CXCL17: variants seen among roughly 807,000 people sequenced by gnomAD.
CXCL17 encodes C-X-C motif chemokine 17.
CXCL17 carries 9 observed loss-of-function variants against 15.5 expected under a neutral mutation model. The ratio of observed to expected loss-of-function variants is 0.58; its 90% confidence interval spans 0.35 to 1.01. The LOEUF is 1.01. Among genes scored for constraint, CXCL17 ranks in the 50% least tolerant of loss-of-function variants. The pLI is 0.02. For synonymous variants in CXCL17, 52 were observed against 52.3 expected (o/e 0.99, Z 0.02); for missense variants, 133 against 138.2 (o/e 0.96, Z 0.19).
intron 1 of CXCL17, among the ~76,000 whole-genome samples, chr19:42,441,736 G>A (rs2040894123): frequency 6.6e-6 from 1 of 152,192 alleles, no homozygotes; most frequent in Admixed American, 6.5e-5. Flanking sequence ...TGGGGAGATG[G>A]TGCTCACAAG....
At position 42,442,913 on chromosome 19, in the gene CXCL17, G is replaced by T; in HGVS notation, c.-81C>A. 9.3e-7 allele frequency: 1 copy of T among 1,080,950 alleles called. No individual in the cohort carries two copies. Among genetic ancestry groups the T allele is most frequent in the Non-Finnish European group, 1.4e-6 (1 of 719,512 alleles). The allele number at this position is 1,080,950 out of a possible 1,614,324, so 67.0% of individuals were successfully genotyped here. ...CTGGAGGCTCCTGATCCCTGGGGAT[G>T]ACTCAGGTCAGGATACTCAGCCTGG... On this transcript the variant is annotated 5_prime_UTR_variant, in exon 1 of 4. Transcript: ENST00000601181.
At chr19:42,439,359 A>C (rs575140985) in intron 1 of CXCL17, among the ~76,000 whole-genome samples, 1 of 152,166 alleles carries the variant, frequency 6.6e-6, no homozygotes, top group Admixed American at 6.5e-5. Flanking sequence ...GAAAATCACT[A>C]TTTGGCCAAC....
At chr19:42,429,407 C>T (rs1442245236) in intron 3 of CXCL17, among the ~76,000 whole-genome samples, 1 of 152,074 alleles carries the variant, frequency 6.6e-6, no homozygotes. Flanking sequence ...TGGCTCACTG[C>T]AACCACTGTC....
chr19:42,434,486 T>A (rs1044986577), intron 1 of CXCL17, among the ~76,000 whole-genome samples: 2 of 152,150 alleles, frequency 1.3e-5, no homozygotes, highest in Admixed American at 1.3e-4. Flanking sequence ...TGGAGTGTAG[T>A]GGTGCAATCA....
At chr19:42,432,154 T>TTTC (rs2040789043) in intron 3 of CXCL17, among the ~76,000 whole-genome samples, 1 of 147,638 alleles carries the variant, frequency 6.8e-6, no homozygotes, top group African/African-American at 2.5e-5. Flanking sequence ...TTTTTTTTTT[T>TTTC]TTTTTTTTGA....
Position 42,433,032 on chromosome 19 carries a change from C to T in CXCL17, c.206G>A (p.Gly69Glu), listed in dbSNP as rs777236268. The T allele has an allele frequency of 9.3e-6, 15 of 1,613,912 alleles. No homozygotes were observed. In the Admixed American group the frequency reaches 2.2e-4, roughly 23 times the overall value. ...ACAGGGGCACTGCTTCTTTGGCAGC[C>T]CAGACACTGTCATGAATTTTCTTCT... Reference protein sequence around the residue: ...APRRKFMTVSGLPKKQCPCDH... With the variant: ...APRRKFMTVSELPKKQCPCDH... The change falls in exon 3 of 4, where the codon GGG (glycine) becomes GAG (glutamate). Residue 69 changes from glycine to glutamate, a missense_variant. Gly to Glu is a moderately conservative substitution (Grantham distance 98, BLOSUM62 -2). Transcript: ENST00000601181.
At chr19:42,440,964 G>A (rs1008895897) in intron 1 of CXCL17, among the ~76,000 whole-genome samples, 1 of 152,170 alleles carries the variant, frequency 6.6e-6, no homozygotes, top group East Asian at 1.9e-4. Flanking sequence ...GAGGCCACGC[G>A]GATGCTGCTG....
intron 3 of CXCL17, among the ~76,000 whole-genome samples, chr19:42,430,596 A>G (rs1026773955): frequency 7.8e-6 from 1 of 128,544 alleles, no homozygotes; most frequent in African/African-American, 4.2e-5. Context: ...CTCCATCTCA[A>G]AAAAAAAAAA....
At chr19:42,438,405 TAA>T (rs200386323) in intron 1 of CXCL17, among the ~76,000 whole-genome samples, 1,449 of 66,728 alleles carry the variant, frequency 0.022, 56 homozygotes, top group African/African-American at 0.086. Flanking sequence ...TATATATATA[TAA>T]AATACACACA....
intron 1 of CXCL17, among the ~76,000 whole-genome samples, chr19:42,437,320 T>G (rs577148437): frequency 1.1e-4 from 17 of 152,362 alleles, no homozygotes; most frequent in African/African-American, 4.1e-4. Context: ...ACAGGTTTGA[T>G]GTATGCTTAG....
In CXCL17 at chr19:42,439,504, A is replaced by G. The variant is rs371658106; in HGVS notation, c.79+3250T>C. Among the ~76,000 whole-genome samples the G allele has an allele frequency of 4.3e-4, 65 of 152,280 alleles. 1 individual carries two copies. The South Asian group carries it at 0.013, about 32-fold the overall frequency. ...ATGAGAAGAAACAGGCTATTTACAT[A>G]TTTCCAAAGTGTCTCTCCACAAGAT... On this transcript the variant is annotated intron_variant, in intron 1 of 3. Coordinates refer to ENST00000601181, the MANE Select transcript of CXCL17 (RefSeq NM_198477.3).
chr19:42,431,297 T>TA lies in CXCL17; in HGVS notation c.262+1678dup. ...TTCCTGCCCTCCTCTCACTGGTCTGTAGCAATTCCTTATATATGTATTCTG... is the reference window on the plus strand; with the variant it reads ...TTCCTGCCCTCCTCTCACTGGTCTGTAAGCAATTCCTTATATATGTATTCTG... On this transcript the variant is annotated intron_variant, in intron 3 of 3. Transcript: ENST00000601181. Among the ~76,000 whole-genome samples the TA allele has an allele frequency of 1.3e-5, 2 of 152,380 alleles. 1 individual carries two copies. Among genetic ancestry groups the TA allele is most frequent in the South Asian group, 4.1e-4 (2 of 4,834 alleles).
intron 1 of CXCL17, among the ~76,000 whole-genome samples, chr19:42,437,054 C>A (rs769762525): frequency 2.6e-5 from 4 of 152,292 alleles, no homozygotes; most frequent in South Asian, 2.1e-4. Flanking sequence ...TCTCCTTCCT[C>A]AGCCTCCCAA....
chr19:42,430,904 C>T (rs1327104819), intron 3 of CXCL17, among the ~76,000 whole-genome samples: 1 of 152,000 alleles, frequency 6.6e-6, no homozygotes, highest in Admixed American at 6.6e-5. Context: ...GTGGCGTGAT[C>T]TTGGCTCACT....
chr19:42,436,689 C>T (rs1250717982), intron 1 of CXCL17, among the ~76,000 whole-genome samples: 4 of 152,186 alleles, frequency 2.6e-5, no homozygotes, highest in Non-Finnish European at 5.9e-5. Flanking sequence ...ATCTTCATAA[C>T]ACATTTTTAA....
intron 3 of CXCL17, among the ~76,000 whole-genome samples, chr19:42,430,668 T>C (rs2040770606): frequency 6.6e-6 from 1 of 152,088 alleles, no homozygotes. Context: ...TGATCACTGC[T>C]TTCTCTCCCC....
At chr19:42,434,902 G>A (rs1240527925) in intron 1 of CXCL17, among the ~76,000 whole-genome samples, 1 of 152,084 alleles carries the variant, frequency 6.6e-6, no homozygotes, top group African/African-American at 2.4e-5. Flanking sequence ...ATGACAGGCT[G>A]GGCACGGTGG....
chr19:42,437,082 C>T (rs1293499594), intron 1 of CXCL17, among the ~76,000 whole-genome samples: 1 of 152,104 alleles, frequency 6.6e-6, no homozygotes, highest in Non-Finnish European at 1.5e-5. Context: ...GGATTACAGG[C>T]ACCCACCACC....
rs755731606 is a variant in CXCL17 at position 42,428,998 on chromosome 19, G to A, written c.263-17C>T. 4.4e-5 allele frequency: 70 copies of A among 1,588,160 alleles called. 1 individual carries two copies. The highest frequency in any genetic ancestry group is 5.4e-5 in the Non-Finnish European group (63 of 1,156,748). ...TTTGGTGTCCTAGGGTGCAAATAAA[G>A]GGGAGAGGCTAGTGTTAAAACCATT... On this transcript the variant is annotated splice_polypyrimidine_tract_variant and intron_variant, in intron 3 of 3. Coordinates refer to ENST00000601181, the MANE Select transcript of CXCL17 (RefSeq NM_198477.3).
Sources: allele counts gnomAD v4.1 joint callset (sites outside exome capture counted in the v4.1 genomes callset), GRCh38; gene constraint gnomAD v4.1.1; transcripts MANE v1.5; gene names NCBI Gene and HGNC (gene_info 2026-07-23, HGNC 2026-07-21).